Variants in OPCML observed in about 807,000 individuals in gnomAD.
OPCML encodes opioid binding protein/cell adhesion molecule like, also known as opioid-binding protein/cell adhesion molecule.
OPCML carries 13 observed loss-of-function variants against 37.8 expected under a neutral mutation model. That is an observed-to-expected ratio of 0.34 (90% CI 0.22 to 0.55). OPCML has a LOEUF of 0.55. Ranked by LOEUF, OPCML falls within the 20% of genes least tolerant of loss-of-function variation. The probability of loss-of-function intolerance (pLI) is 0.91; values close to 1 mark genes in which losing one functional copy is unlikely to be tolerated. For synonymous variants in OPCML, 176 were observed against 168.8 expected (o/e 1.04, Z -0.33); for missense variants, 341 against 435.6 (o/e 0.78, Z 1.93).
intron 1 of OPCML, among the ~76,000 whole-genome samples, chr11:133,280,947 C>T (rs1942133269): frequency 6.6e-6 from 1 of 152,122 alleles, no homozygotes. Flanking sequence ...TCCTCATTGT[C>T]CTAACGTTCT....
At chr11:132,581,831 G>A (rs181776445) in intron 3 of OPCML, among the ~76,000 whole-genome samples, 6 of 152,030 alleles carry the variant, frequency 3.9e-5, no homozygotes, top group South Asian at 4.2e-4. Context: ...GTGGATACTC[G>A]GAAGCCCCAG....
chr11:132,507,832 G>A (rs978820982), intron 4 of OPCML, among the ~76,000 whole-genome samples: 3 of 148,836 alleles, frequency 2.0e-5, no homozygotes. Flanking sequence ...AACTACTAAA[G>A]CAAAAACAGT....
At chr11:132,708,111 G>A (rs1283536892) in intron 2 of OPCML, among the ~76,000 whole-genome samples, 1 of 152,164 alleles carries the variant, frequency 6.6e-6, no homozygotes, top group East Asian at 1.9e-4. Flanking sequence ...ATTATTTATA[G>A]TGTGCTTCTG....
intron 3 of OPCML, among the ~76,000 whole-genome samples, chr11:132,586,611 C>T (rs2096473227): frequency 1.3e-5 from 2 of 152,186 alleles, no homozygotes; most frequent in African/African-American, 4.8e-5. Flanking sequence ...TACGACAACT[C>T]TCCAGCTTTC....
intron 1 of OPCML, among the ~76,000 whole-genome samples, chr11:133,198,340 C>T (rs1428600114): frequency 6.6e-6 from 1 of 152,168 alleles, no homozygotes; most frequent in Non-Finnish European, 1.5e-5. Flanking sequence ...GGCTGTTTAA[C>T]AAAAGGACAT....
intron 2 of OPCML, among the ~76,000 whole-genome samples, chr11:132,782,425 G>A (rs1472551099): frequency 6.6e-6 from 1 of 152,216 alleles, no homozygotes; most frequent in East Asian, 1.9e-4. Context: ...GGTGGCTGCA[G>A]GATAAATGTT....
At chr11:133,285,482 T>C (rs1036720212) in intron 1 of OPCML, among the ~76,000 whole-genome samples, 2 of 152,160 alleles carry the variant, frequency 1.3e-5, no homozygotes, top group African/African-American at 4.8e-5. Flanking sequence ...GTTGCTGTGA[T>C]CCATTATAAT....
At chr11:132,702,962 A>G (rs1226237330) in intron 2 of OPCML, among the ~76,000 whole-genome samples, 1 of 151,786 alleles carries the variant, frequency 6.6e-6, no homozygotes, top group African/African-American at 2.4e-5. Context: ...GTGTTTTCCT[A>G]ATTTTGTTTG....
chr11:132,869,092 G>C (rs867171769), intron 2 of OPCML, among the ~76,000 whole-genome samples: 2 of 152,110 alleles, frequency 1.3e-5, no homozygotes, highest in East Asian at 1.9e-4. Context: ...AGCACCACTG[G>C]GGGAGAAAGA....
At chr11:133,294,811 C>CTTTTTTTTTTTTT (rs1942582369) in intron 1 of OPCML, among the ~76,000 whole-genome samples, 1 of 95,614 alleles carries the variant, frequency 1.0e-5, no homozygotes, top group African/African-American at 4.5e-5. Flanking sequence ...TTCTTTCTTT[C>CTTTTTTTTTTTTT]TTTCTTTTTT....
chr11:132,567,147 C>T (rs1249727154), intron 3 of OPCML, among the ~76,000 whole-genome samples: 2 of 152,136 alleles, frequency 1.3e-5, no homozygotes, highest in African/African-American at 4.8e-5. Context: ...TCCTCCTGCT[C>T]ACCACCCCTT....
intron 1 of OPCML, among the ~76,000 whole-genome samples, chr11:133,524,245 T>C (rs919105173): frequency 6.6e-6 from 1 of 152,172 alleles, no homozygotes; most frequent in South Asian, 2.1e-4. Context: ...GACCGTGAAA[T>C]AGGCCAGACT....
intron 3 of OPCML, among the ~76,000 whole-genome samples, chr11:132,637,180 G>A (rs956621776): frequency 1.3e-5 from 2 of 151,514 alleles, no homozygotes; most frequent in African/African-American, 4.9e-5. Context: ...AATTTTTCTG[G>A]CGACTCTTTC....
chr11:133,033,831 C>T (rs759603517), intron 1 of OPCML, among the ~76,000 whole-genome samples: 5 of 152,124 alleles, frequency 3.3e-5, no homozygotes, highest in African/African-American at 4.8e-5. Context: ...TATGTGGTCA[C>T]GGGTATCAAC....
intron 3 of OPCML, among the ~76,000 whole-genome samples, chr11:132,634,725 G>A (rs984319204): frequency 6.6e-6 from 1 of 152,058 alleles, no homozygotes. Context: ...CCACCCTACT[G>A]CCCTTGGAAG....
chr11:132,806,910 A>G (rs1015842872), intron 2 of OPCML, among the ~76,000 whole-genome samples: 5 of 152,226 alleles, frequency 3.3e-5, no homozygotes, highest in Non-Finnish European at 7.4e-5. Flanking sequence ...ACAAGCAACA[A>G]AAAAGCACAC....
At chr11:132,802,426 T>C (rs1938714974) in intron 2 of OPCML, among the ~76,000 whole-genome samples, 1 of 152,166 alleles carries the variant, frequency 6.6e-6, no homozygotes. Flanking sequence ...CTCAGCCTGG[T>C]CTATGCTCAC....
intron 2 of OPCML, among the ~76,000 whole-genome samples, chr11:132,869,370 G>A (rs1023862477): frequency 4.6e-5 from 7 of 152,176 alleles, no homozygotes; most frequent in African/African-American, 1.4e-4. Flanking sequence ...AGGAAGATGC[G>A]GAGGGCTGGT....
At chr11:132,646,004 G>A (rs186708101) in intron 3 of OPCML, among the ~76,000 whole-genome samples, 39 of 152,286 alleles carry the variant, frequency 2.6e-4, no homozygotes, top group Non-Finnish European at 4.6e-4. Flanking sequence ...GCTGGGCAGC[G>A]GGGATTACAC....
Sources: gnomAD v4.1 joint callset for allele counts (sites outside exome capture counted in the v4.1 genomes callset) on GRCh38, gnomAD v4.1.1 for gene constraint, MANE v1.5 for transcripts, NCBI Gene and HGNC (gene_info 2026-07-23, HGNC 2026-07-21) for gene names.